CD96: variants seen among roughly 807,000 people sequenced by gnomAD.
The protein encoded by CD96 is CD96 molecule.
A neutral mutation model predicts 71.3 loss-of-function variants in CD96; 70 were observed. That is an observed-to-expected ratio of 0.98 (90% CI 0.81 to 1.20). The LOEUF (loss-of-function observed/expected upper bound fraction) is 1.20. Ranked by LOEUF, CD96 falls within the 50% of genes most tolerant of loss-of-function variation. The pLI is 0.00. For missense variants in CD96, 742 were observed against 677.5 expected (o/e 1.10, Z -1.06); for synonymous variants, 248 against 233.0 (o/e 1.06, Z -0.59).
chr3:111,556,262 G>C (rs1014162364), intron 2 of CD96, among the ~76,000 whole-genome samples: 5 of 56,726 alleles, frequency 8.8e-5, no homozygotes, highest in Admixed American at 3.5e-4. Flanking sequence ...GTGCAGGTTA[G>C]TTACATATGT....
At chr3:111,589,897 C>A (rs186370782) in intron 5 of CD96, among the ~76,000 whole-genome samples, 63 of 152,328 alleles carry the variant, frequency 4.1e-4, no homozygotes, top group African/African-American at 1.4e-3. Flanking sequence ...AATTAATTAA[C>A]CTCCACGAGC....
At chr3:111,659,238 T>C (rs1234467697) in intron 14 of CD96, among the ~76,000 whole-genome samples, 1 of 152,174 alleles carries the variant, frequency 6.6e-6, no homozygotes, top group Non-Finnish European at 1.5e-5. Flanking sequence ...TTGTTTCTGA[T>C]TGTTCTTATT....
intron 8 of CD96, among the ~76,000 whole-genome samples, chr3:111,620,585 C>A (rs1938471495): frequency 6.6e-6 from 1 of 152,138 alleles, no homozygotes; most frequent in East Asian, 1.9e-4. Context: ...TTGGTTCAGA[C>A]CCTCAAGTGA....
intron 14 of CD96, among the ~76,000 whole-genome samples, chr3:111,663,174 C>CT (rs1940397711): frequency 6.6e-6 from 1 of 152,248 alleles, no homozygotes; most frequent in Non-Finnish European, 1.5e-5. Context: ...GTGAGTAGTA[C>CT]TTTTTTGCTA....
chr3:111,663,672 C>T (rs898541376), intron 14 of CD96, among the ~76,000 whole-genome samples: 1 of 152,124 alleles, frequency 6.6e-6, no homozygotes, highest in East Asian at 1.9e-4. Flanking sequence ...GATACCATCT[C>T]CCGCCAGCCA....
At chr3:111,588,314 C>T (rs1257229062) in intron 5 of CD96, among the ~76,000 whole-genome samples, 1 of 152,000 alleles carries the variant, frequency 6.6e-6, no homozygotes, top group Non-Finnish European at 1.5e-5. Flanking sequence ...TTAACTAAAA[C>T]ATAACAAGAG....
At chr3:111,639,997 C>T (rs1343778851) in intron 12 of CD96, among the ~76,000 whole-genome samples, 2 of 152,178 alleles carry the variant, frequency 1.3e-5, no homozygotes, top group Non-Finnish European at 2.9e-5. Flanking sequence ...CAGCCCTAGA[C>T]CTTCCCTCTG....
chr3:111,664,834 A>G lies in CD96; in HGVS notation c.*53-693A>G, dbSNP rs528569796. Among the ~76,000 whole-genome samples the G allele has an allele frequency of 5.3e-5, 8 of 152,338 alleles. No homozygotes were observed. In the East Asian group the frequency reaches 1.3e-3, roughly 26 times the overall value. The stretch of plus-strand genomic sequence containing the variant: ...TTGAATCCTGTACTAGAAGGGGGGA[A>G]ATGGTATGAAAGACATTTATTAGAT... On this transcript the variant is annotated intron_variant and NMD_transcript_variant, in intron 14 of 14. Coordinates refer to the CD96 transcript ENST00000494798.
intron 8 of CD96, among the ~76,000 whole-genome samples, chr3:111,614,403 G>A (rs987308949): frequency 2.6e-5 from 4 of 152,174 alleles, no homozygotes; most frequent in Non-Finnish European, 4.4e-5. Context: ...TGACTTAGGT[G>A]TCCTCTGGAT....
At chr3:111,556,160 A>C (rs1935014882) in intron 2 of CD96, among the ~76,000 whole-genome samples, 1 of 152,280 alleles carries the variant, frequency 6.6e-6, no homozygotes, top group Non-Finnish European at 1.5e-5. Flanking sequence ...TTATTGAGTC[A>C]TTGTCATATT....
At chr3:111,548,224 C>T (rs556448499) in intron 2 of CD96, among the ~76,000 whole-genome samples, 2 of 152,236 alleles carry the variant, frequency 1.3e-5, no homozygotes, top group African/African-American at 4.8e-5. Flanking sequence ...ATCATCTCTT[C>T]CTGTTTCTTT....
chr3:111,644,938 T>C (rs1227022087), intron 12 of CD96, among the ~76,000 whole-genome samples: 1 of 152,202 alleles, frequency 6.6e-6, no homozygotes, highest in Non-Finnish European at 1.5e-5. Context: ...ACAGCCACTA[T>C]AGAAAACAGT....
chr3:111,561,784 A>T (rs1576320101), intron 2 of CD96, among the ~76,000 whole-genome samples: 1 of 149,872 alleles, frequency 6.7e-6, no homozygotes, highest in East Asian at 2.0e-4. Flanking sequence ...AAGCCTGGGC[A>T]ATGGCGGGCG....
rs368947688 is a variant in CD96, at chr3:111,638,134, T to C, written c.1443T>C (p.Asn481=). The change falls in exon 12 of 14, where the codon AAT becomes AAC. Residue 481 remains asparagine (N), a synonymous_variant. Transcript: ENST00000352690. The stretch of plus-strand genomic sequence containing the variant: ...TTTCAGAAGTCCCCACAACTGCCAA[T>C]GGATCTACGAAAACTAATCACGTCC... The part of the protein sequence containing the change: ...RAFSEVPTTA[N]GSTKTNHVHI... 3.7e-6 allele frequency: 6 copies of C among 1,610,806 alleles called. No homozygotes were observed. Among genetic ancestry groups the C allele is most frequent in the Non-Finnish European group, 5.1e-6 (6 of 1,177,104 alleles).
At chr3:111,612,841 A>C in intron 8 of CD96, 3 of 978,056 alleles carry the variant, frequency 3.1e-6, no homozygotes, top group Middle Eastern at 5.3e-4. Flanking sequence ...TTTTCCTGAG[A>C]CATGCAGCAT....
At chr3:111,558,676 G>A (rs1176174576) in intron 2 of CD96, among the ~76,000 whole-genome samples, 4 of 127,050 alleles carry the variant, frequency 3.1e-5, no homozygotes, top group African/African-American at 1.2e-4. Flanking sequence ...CTCTTTTTTG[G>A]TTGTGTCTCT....
chr3:111,658,613 T>C (rs1015066199), intron 14 of CD96, among the ~76,000 whole-genome samples: 1 of 152,168 alleles, frequency 6.6e-6, no homozygotes, highest in East Asian at 1.9e-4. Flanking sequence ...AACTATGCAG[T>C]GGAGAAATTA....
chr3:111,585,368 T>C lies in CD96; in HGVS notation c.797T>C (p.Val266Ala). Residue 266 changes from valine (V) to alanine (A), a missense_variant, in exon 5 of 14, where the codon GTC (valine) becomes GCC (alanine). Physicochemically the swap from Val to Ala is moderately conservative, Grantham distance 64. Transcript: ENST00000352690. Reference sequence around the variant, plus strand: ...ATTGTGGAAAATAACTCCACGGATGTCTTGGTAGAGGTGAGTCACATAAAA... The same window carrying C: ...ATTGTGGAAAATAACTCCACGGATGCCTTGGTAGAGGTGAGTCACATAAAA... ...PVIVENNSTD[V>A]LVERRFTCLL... 1 of 1,606,478 alleles carries C rather than the reference T, an allele frequency of 6.2e-7. No individual in the cohort carries two copies. Among genetic ancestry groups the C allele is most frequent in the Non-Finnish European group, 8.5e-7 (1 of 1,173,262 alleles).
In CD96 at chr3:111,652,158, T is replaced by C. The variant is rs1940111009; in HGVS notation, c.*2352T>C. ...AATAAGTGCTTATTGTTTAACACCA[T>C]TAATTTTGAGTATAATTTGTTACAT... On this transcript the variant is annotated 3_prime_UTR_variant, in exon 14 of 14. Coordinates refer to ENST00000352690, the MANE Select transcript of CD96 (RefSeq NM_005816.5). 2 of 152,176 alleles carry C rather than the reference T, an allele frequency of 1.3e-5. No homozygotes were observed. The highest frequency in any genetic ancestry group is 2.9e-5 in the Non-Finnish European group (2 of 68,042). The allele number at this position is 152,176 out of a possible 1,614,324, so 9.4% of individuals were successfully genotyped here.
Sources: allele counts gnomAD v4.1 joint callset (sites outside exome capture counted in the v4.1 genomes callset), GRCh38; gene constraint gnomAD v4.1.1; transcripts MANE v1.5; gene names NCBI Gene and HGNC (gene_info 2026-07-23, HGNC 2026-07-21).